Variants in KYAT3 observed in about 807,000 individuals in gnomAD.
KYAT3 encodes kynurenine aminotransferase 3.
Under a neutral mutation model 59.0 loss-of-function variants are expected in KYAT3, and 50 were observed. The ratio of observed to expected loss-of-function variants is 0.85; its 90% CI spans 0.68 to 1.07. The LOEUF (loss-of-function observed/expected upper bound fraction) is 1.07. Among genes scored for constraint, KYAT3 ranks in the 50% least tolerant of loss-of-function variants. KYAT3 has a pLI of 0.00. For synonymous variants in KYAT3, 148 were observed against 177.0 expected (o/e 0.84, Z 1.30); for missense variants, 497 against 533.3 (o/e 0.93, Z 0.67).
chr1:88,936,235 G>A lies in KYAT3; in HGVS notation c.1313C>T (p.Thr438Ile). ...VRFCFIKKDS[T>I]LDAAEEIIKA... Reference sequence around the variant, plus strand: ...GATGATTTCTTCAGCAGCATCCAGTGTGCTGTCTTTCTGTAAATTAATGAA... The same window carrying A: ...GATGATTTCTTCAGCAGCATCCAGTATGCTGTCTTTCTGTAAATTAATGAA... Residue 438 changes from threonine (T) to isoleucine (I), a missense_variant, in exon 14 of 14, where the codon ACA (threonine) becomes ATA (isoleucine). This residue lies in a region of KYAT3 where 28 missense variants were observed against 54.2 expected (regional missense o/e 0.52). Coordinates refer to ENST00000260508, the MANE Select transcript of KYAT3 (RefSeq NM_001008661.3). 1.9e-6 allele frequency: 3 copies of A among 1,606,996 alleles called. No individual in the cohort carries two copies. Among genetic ancestry groups the A allele is most frequent in the Non-Finnish European group, 2.6e-6 (3 of 1,174,468 alleles).
intron 9 of KYAT3, among the ~76,000 whole-genome samples, chr1:88,954,830 C>G (rs997565220): frequency 2.0e-5 from 3 of 152,216 alleles, no homozygotes; most frequent in Admixed American, 2.0e-4. Flanking sequence ...GGCTGGAGCG[C>G]AGCTCACAGC....
the KYAT3 span, among the ~76,000 whole-genome samples, chr1:88,922,004 G>A: frequency 6.6e-6 from 1 of 152,110 alleles, no homozygotes; most frequent in African/African-American, 2.4e-5. Flanking sequence ...TACACACTGT[G>A]GCCTAGCCAA....
chr1:88,936,303 C>T, intron 13 of KYAT3, 58 bp from the exon 14 acceptor site: 1 of 1,212,736 alleles, frequency 8.2e-7, no homozygotes, highest in Non-Finnish European at 1.2e-6. Context: ...CAAGATGAAG[C>T]AAAGATTTAA....
At chr1:88,956,343 T>C (rs1175071446) in intron 8 of KYAT3, among the ~76,000 whole-genome samples, 1 of 152,148 alleles carries the variant, frequency 6.6e-6, no homozygotes, top group Admixed American at 6.5e-5. Flanking sequence ...AGTAGGCAAA[T>C]TTGCAAATAC....
In KYAT3 at chr1:88,936,163, A is replaced by C. The variant is rs749124236; in HGVS notation, c.*20T>G. The C allele has an allele frequency of 6.4e-7, 1 of 1,568,482 alleles. No individual in the cohort carries two copies. The highest frequency in any genetic ancestry group is 1.1e-5 in the South Asian group (1 of 87,824). ...CCATACTAGGTCATCTAACAGAAAC[A>C]TTAATCCATTCTGCACAAATCAAGA... is the stretch of plus-strand genomic sequence containing the variant. On this transcript the variant is annotated 3_prime_UTR_variant, in exon 14 of 14. Coordinates refer to ENST00000260508, the MANE Select transcript of KYAT3 (RefSeq NM_001008661.3).
chr1:88,974,846 G>A (rs1434449870), intron 2 of KYAT3, among the ~76,000 whole-genome samples: 1 of 151,722 alleles, frequency 6.6e-6, no homozygotes, highest in Non-Finnish European at 1.5e-5. Flanking sequence ...TTAGCACTCT[G>A]TAAAATGGAC....
Position 88,935,901 on chromosome 1 carries a change from C to T in KYAT3, c.*282G>A, listed in dbSNP as rs550580443. 1.2e-5 allele frequency: 5 copies of T among 413,718 alleles called. No homozygotes were observed. The highest frequency in any genetic ancestry group is 2.1e-4 in the South Asian group (2 of 9,498). 25.6% of individuals were successfully genotyped at this position (413,718 alleles called of 1,614,324 possible). A position where few individuals can be genotyped will look rare whatever the true frequency, so the allele number is the denominator to read the frequency against. Reference sequence around the variant, plus strand: ...TATTCCTATTTTATAATGAGAGAACCGAGTTACTGAGAGGTTAAACATCTC... The same window carrying T: ...TATTCCTATTTTATAATGAGAGAACTGAGTTACTGAGAGGTTAAACATCTC... On this transcript the variant is annotated 3_prime_UTR_variant, in exon 14 of 14. Transcript: ENST00000260508.
the KYAT3 span, among the ~76,000 whole-genome samples, chr1:88,930,399 T>C: frequency 2.0e-5 from 3 of 152,066 alleles, no homozygotes; most frequent in African/African-American, 4.8e-5. Context: ...TTCCAGACAA[T>C]GAAGAAAAAA....
At chr1:88,936,381 A>G in intron 13 of KYAT3, 136 bp from the exon 14 acceptor site, 1 of 644,366 alleles carries the variant, frequency 1.6e-6, no homozygotes, top group Non-Finnish European at 2.6e-6. Context: ...CAAAGTGAAA[A>G]AGCAAAAGCA....
At chr1:88,986,517 C>T (rs1334679499) in intron 2 of KYAT3, among the ~76,000 whole-genome samples, 1 of 151,352 alleles carries the variant, frequency 6.6e-6, no homozygotes, top group East Asian at 2.0e-4. Flanking sequence ...GTCTTGAACT[C>T]CTGGTCTCAA....
At chr1:88,989,126 T>A (rs1677637503) in intron 1 of KYAT3, among the ~76,000 whole-genome samples, 1 of 152,244 alleles carries the variant, frequency 6.6e-6, no homozygotes, top group African/African-American at 2.4e-5. Flanking sequence ...GAGAATGTTG[T>A]TCTCTTAAGT....
Position 88,936,106 on chromosome 1 carries a change from C to G in KYAT3, c.*77G>C. 1 of 930,076 alleles carries G rather than the reference C, an allele frequency of 1.1e-6. No homozygotes were observed. The allele number at this position is 930,076 out of a possible 1,614,324, so 57.6% of individuals were successfully genotyped here. On this transcript the variant is annotated 3_prime_UTR_variant, in exon 14 of 14. Transcript: ENST00000260508. Reference sequence around the variant, plus strand: ...CCAGTTGTACTGAAATACCTTTTAACATCCAGCAGGTGGCAGCACTAAGTA... The same window carrying G: ...CCAGTTGTACTGAAATACCTTTTAAGATCCAGCAGGTGGCAGCACTAAGTA...
chr1:88,946,432 G>A (rs1436957457), intron 11 of KYAT3, among the ~76,000 whole-genome samples: 1 of 151,812 alleles, frequency 6.6e-6, no homozygotes, highest in Non-Finnish European at 1.5e-5. Context: ...CAAAGTGCTG[G>A]GATTACAGGC....
chr1:88,974,494 GAGAC>G (rs1276124981), intron 2 of KYAT3, among the ~76,000 whole-genome samples: 4 of 34,038 alleles, frequency 1.2e-4, no homozygotes, highest in African/African-American at 4.3e-4. Context: ...TTTTTTTTTT[GAGAC>G]AGAGTCTTGC....
At chr1:88,981,035 C>A (rs926298025) in intron 2 of KYAT3, 1 of 152,200 alleles carries the variant, frequency 6.6e-6, no homozygotes, top group African/African-American at 2.4e-5. Flanking sequence ...AAGTCTGTTT[C>A]CTTTGAGAAC....
At chr1:88,925,752 G>T in the KYAT3 span, among the ~76,000 whole-genome samples, 1 of 151,240 alleles carries the variant, frequency 6.6e-6, no homozygotes, top group Non-Finnish European at 1.5e-5. Context: ...AGAGGAGATA[G>T]AGAGAGAGAG....
intron 5 of KYAT3, among the ~76,000 whole-genome samples, 184 bp from the exon 6 acceptor site, chr1:88,962,329 G>C (rs1270345189): frequency 6.6e-6 from 1 of 152,174 alleles, no homozygotes; most frequent in African/African-American, 2.4e-5. Context: ...TGTCCAGGTA[G>C]TCTTAATTGG....
intron 11 of KYAT3, among the ~76,000 whole-genome samples, chr1:88,946,559 G>C (rs945967054): frequency 6.6e-6 from 1 of 152,078 alleles, no homozygotes; most frequent in African/African-American, 2.4e-5. Flanking sequence ...CCTTTTGGAA[G>C]CATATAAAGT....
chr1:88,962,230 G>T, intron 5 of KYAT3, 85 bp from the exon 6 acceptor site: 1 of 1,019,618 alleles, frequency 9.8e-7, no homozygotes, highest in Non-Finnish European at 1.5e-6. Context: ...GCTAGGCACT[G>T]TACTATGTGT....
Sources: allele counts gnomAD v4.1 joint callset (sites outside exome capture counted in the v4.1 genomes callset), GRCh38; gene constraint gnomAD v4.1.1; regional missense constraint gnomAD v4.1.1; transcripts MANE v1.5; gene names NCBI Gene and HGNC (gene_info 2026-07-23, HGNC 2026-07-21).